PIGG: variants seen among roughly 807,000 people sequenced by gnomAD.
PIGG encodes phosphatidylinositol glycan anchor biosynthesis class G (EMM blood group), also known as GPI ethanolamine phosphate transferase 2, catalytic subunit.
In PIGG, 70 loss-of-function variants were observed where a neutral mutation model predicts 83.2. The observed-to-expected ratio is 0.84, with a 90% CI of 0.69 to 1.03. The LOEUF (loss-of-function observed/expected upper bound fraction) is 1.03. Among genes scored for constraint, PIGG ranks in the 50% least tolerant of loss-of-function variants. The probability of loss-of-function intolerance (pLI) is 0.00; values close to 1 mark genes in which losing one functional copy is unlikely to be tolerated. For missense variants in PIGG, 1,257 were observed against 1,233.6 expected (o/e 1.02, Z -0.28); for synonymous variants, 532 against 519.5 (o/e 1.02, Z -0.33).
chr4:509,004 G>C (rs781866511), intron 5 of PIGG, 34 bp downstream of exon 5: 1 of 1,577,102 alleles, frequency 6.3e-7, no homozygotes, highest in Non-Finnish European at 8.7e-7. Context: ...GTTGGAAATT[G>C]TATTACATTT....
chr4:524,659 A>G (rs2108976797), intron 9 of PIGG: 1 of 151,166 alleles, frequency 6.6e-6, no homozygotes, highest in Middle Eastern at 3.5e-3. Context: ...CTCACTTCCA[A>G]CACTGGAGGT....
intron 6 of PIGG, among the ~76,000 whole-genome samples, chr4:519,083 C>T (rs988111638): frequency 1.5e-4 from 23 of 152,194 alleles, no homozygotes; most frequent in Non-Finnish European, 1.9e-4. Flanking sequence ...CCTGGTCCAG[C>T]GCCCACTCCC....
At chr4:511,692 A>C (rs1470066784) in intron 5 of PIGG, among the ~76,000 whole-genome samples, 1 of 152,230 alleles carries the variant, frequency 6.6e-6, no homozygotes, top group Non-Finnish European at 1.5e-5. Context: ...ACCTTTACTG[A>C]TGCTCTTTGC....
chr4:525,976 C>T (rs1577115768), intron 9 of PIGG: 1 of 152,208 alleles, frequency 6.6e-6, no homozygotes, highest in Non-Finnish European at 1.5e-5. Flanking sequence ...CACCTTGTTT[C>T]TTACTTTCCT....
chr4:500,521 ACTTAC>A lies in PIGG; in HGVS notation c.284_288del (p.Tyr95CysfsTer12). On this transcript the variant is annotated frameshift_variant, in exon 2 of 13. Coordinates refer to ENST00000453061, the MANE Select transcript of PIGG (RefSeq NM_001127178.3). LOFTEE classifies it high-confidence loss of function. The stretch of plus-strand genomic sequence containing the variant: ...GGGTGTGAAATTTATGCCCTACACA[ACTTAC>A]CTTGTGGAAAAAGGAGCATCTCACA... 2 of 1,613,620 alleles carry A rather than the reference ACTTAC, an allele frequency of 1.2e-6. No homozygotes were observed. Among genetic ancestry groups the A allele is most frequent in the Non-Finnish European group, 8.5e-7 (1 of 1,179,510 alleles).
chr4:524,264 G>A (rs1726939184), intron 9 of PIGG, among the ~76,000 whole-genome samples: 1 of 152,226 alleles, frequency 6.6e-6, no homozygotes, highest in South Asian at 2.1e-4. Context: ...TCCATGCCTG[G>A]GCTGTGTGCC....
At chr4:527,816 G>T (rs1003659411) in intron 10 of PIGG, 17 of 985,092 alleles carry the variant, frequency 1.7e-5, no homozygotes, top group Non-Finnish European at 1.2e-6. Flanking sequence ...TAATTGTGTT[G>T]TGGTGGTGAA....
In PIGG at chr4:514,806, G is replaced by A. The variant is rs552929145; in HGVS notation, c.902-1167G>A. ...CATAATGACTCATTGGCTTTATCCC[G>A]CAATAGACACGCAACAGTCTCAGAA... is the stretch of plus-strand genomic sequence containing the variant. On this transcript the variant is annotated intron_variant, in intron 5 of 12. Transcript: ENST00000453061. 6.6e-5 allele frequency among the ~76,000 whole-genome samples: 10 copies of A among 152,236 alleles called. No individual in the cohort carries two copies. In the South Asian group the frequency reaches 8.3e-4, roughly 13 times the overall value.
Position 507,577 on chromosome 4 carries a change from C to G in PIGG, c.743C>G (p.Thr248Ser). The G allele has an allele frequency of 6.2e-7, 1 of 1,612,764 alleles. No homozygotes were observed. The highest frequency in any genetic ancestry group is 8.5e-7 in the Non-Finnish European group (1 of 1,179,346). ...GACAGCGTGCTGATGAAGATCCACA[C>G]CTCACTGCAGTCGAAGGTGAGGCTC... ...EMDSVLMKIHTSLQSKERETP... is the reference protein window; with the variant it reads ...EMDSVLMKIHSSLQSKERETP... The change falls in exon 4 of 13, where the codon ACC becomes AGC. Residue 248 changes from threonine (T) to serine (S), a missense_variant. By Grantham distance (58) the Thr-to-Ser change is moderately conservative. Coordinates refer to ENST00000453061, the MANE Select transcript of PIGG (RefSeq NM_001127178.3).
chr4:530,673 G>C lies in PIGG; in HGVS notation c.2499G>C (p.Lys833Asn), dbSNP rs1056486559. The C allele has an allele frequency of 5.6e-6, 9 of 1,613,694 alleles. No homozygotes were observed. In the South Asian group the frequency reaches 6.6e-5, roughly 12 times the overall value. The change falls in exon 11 of 13, where the codon AAG becomes AAC. Residue 833 changes from lysine to asparagine, a missense_variant. Transcript: ENST00000453061. ...IQTLMTKFIW[K>N]PLRHDAAEIT... Reference sequence around the variant, plus strand: ...CTCTAATGACTAAATTCATCTGGAAGCCCCTGAGACACGATGCAGCTGAGA... The same window carrying C: ...CTCTAATGACTAAATTCATCTGGAACCCCCTGAGACACGATGCAGCTGAGA...
intron 8 of PIGG, 36 bp from the exon 9 acceptor site, chr4:523,423 G>T: frequency 6.9e-7 from 1 of 1,442,474 alleles, no homozygotes; most frequent in South Asian, 1.2e-5. Flanking sequence ...GTCGTTATCA[G>T]ACCGTCTCTT....
chr4:523,093 G>A (rs756958535), intron 8 of PIGG, among the ~76,000 whole-genome samples: 44 of 152,256 alleles, frequency 2.9e-4, no homozygotes, highest in Admixed American at 5.9e-4. Flanking sequence ...GTGGAGGGCC[G>A]GGTCCAGGAG....
chr4:499,614 C>G (rs1228653797), intron 1 of PIGG, 125 bp downstream of exon 1: 1 of 1,424,640 alleles, frequency 7.0e-7, no homozygotes, highest in East Asian at 2.6e-5. Flanking sequence ...TTATGGTCCC[C>G]ACCTCAGAAA....
intron 12 of PIGG, among the ~76,000 whole-genome samples, chr4:534,456 T>C (rs937808611): frequency 6.6e-6 from 1 of 152,120 alleles, no homozygotes; most frequent in Admixed American, 6.5e-5. Context: ...GTGGCTCTTC[T>C]GAGTCGTCCT....
chr4:518,522 G>A (rs1724684082), intron 6 of PIGG, among the ~76,000 whole-genome samples: 1 of 152,236 alleles, frequency 6.6e-6, no homozygotes, highest in African/African-American at 2.4e-5. Context: ...GAACCCGGGA[G>A]GCGGAGCTTG....
chr4:500,824 A>G (rs945071296), intron 2 of PIGG, among the ~76,000 whole-genome samples: 5 of 152,214 alleles, frequency 3.3e-5, no homozygotes, highest in African/African-American at 1.2e-4. Context: ...CTTCATGGCA[A>G]ATATAAAAGA....
chr4:523,180 G>T (rs1352297266), intron 8 of PIGG, among the ~76,000 whole-genome samples: 2 of 152,160 alleles, frequency 1.3e-5, no homozygotes, highest in Non-Finnish European at 2.9e-5. Context: ...CTCACCTTGG[G>T]ACTTGGAGTC....
Position 528,795 on chromosome 4 carries a change from G to C in PIGG, c.2261+1565G>C. ...TCCCTTTCCTGGCCTGCTTCCTGCA[G>C]CATGTAATTTGCTAGTGTCCAGAAC... On this transcript the variant is annotated intron_variant, in intron 10 of 12. Transcript: ENST00000453061. This position sits in a 1 kb window ranked among gnomAD's most constrained non-coding sequence, Gnocchi z 4.8. 5 of 902,070 alleles carry C rather than the reference G, an allele frequency of 5.5e-6. No homozygotes were observed. Among genetic ancestry groups the C allele is most frequent in the Non-Finnish European group, 6.6e-6 (5 of 754,080 alleles). 55.9% of individuals were successfully genotyped at this position (902,070 alleles called of 1,614,324 possible).
intron 9 of PIGG, chr4:524,790 TG>T (rs1727122507): frequency 6.6e-6 from 1 of 152,174 alleles, no homozygotes. Flanking sequence ...CCTGAGTAGC[TG>T]GGATTACAGG....
Sources: allele counts gnomAD v4.1 joint callset (sites outside exome capture counted in the v4.1 genomes callset), GRCh38; gene constraint gnomAD v4.1.1; non-coding constraint Gnocchi (gnomAD v3.1); transcripts MANE v1.5; gene names NCBI Gene and HGNC (gene_info 2026-07-23, HGNC 2026-07-21).